The following NRXN3 variants were observed in gnomAD, a reference collection of about 807,000 sequenced individuals.
NRXN3 encodes the protein neurexin 3.
NRXN3 carries 32 observed loss-of-function variants against 137.6 expected under a neutral mutation model. The observed-to-expected ratio is 0.23, with a 90% confidence interval of 0.18 to 0.31. The LOEUF is 0.31. Ranked by LOEUF, NRXN3 falls within the 10% of genes least tolerant of loss-of-function variation. The pLI, the probability that NRXN3 is intolerant of heterozygous loss-of-function variation, is 1.00. For missense variants in NRXN3, 1,574 were observed against 2,062.5 expected, an observed-to-expected ratio of 0.76 and a Z score of 4.59; for synonymous variants, 798 against 784.5, an observed-to-expected ratio of 1.02 and a Z score of -0.29.
Position 79,027,076 on chromosome 14 carries a change from T to C in NRXN3, c.3262+38935T>C, listed in dbSNP as rs991195103. On this transcript the variant is annotated intron_variant, in intron 15 of 20. Coordinates refer to ENST00000335750, the MANE Select transcript of NRXN3 (RefSeq NM_001330195.2). ...AGGACAACATTTTCCATATATTCTA[T>C]TGAAGTTTTTTTTTTTTTTAAAACT... is the stretch of plus-strand genomic sequence containing the variant. Among the ~76,000 whole-genome samples, 4 of 149,008 alleles carry C rather than the reference T, an allele frequency of 2.7e-5. No individual in the cohort carries two copies. The East Asian group carries it at 7.8e-4, about 29-fold the overall frequency.
intron 10 of NRXN3, among the ~76,000 whole-genome samples, chr14:78,950,093 A>G (rs1048837418): frequency 2.6e-5 from 4 of 152,226 alleles, no homozygotes; most frequent in African/African-American, 9.6e-5. Context: ...ATTTGTATTA[A>G]TCATACCATT....
chr14:79,808,278 ATG>A (rs1297851234), intron 20 of NRXN3, among the ~76,000 whole-genome samples: 4,954 of 143,780 alleles, frequency 0.034, 104 homozygotes, highest in East Asian at 0.05. Context: ...ATATATATGT[ATG>A]TATGTATGTA....
rs563532578 is a variant in NRXN3 at position 78,492,134 on chromosome 14, G to A, written c.758-152986G>A. ...TATGATTAAACAAAATAATAGATAT[G>A]ACATACATTATGGGTCTATCACATG... On this transcript the variant is annotated intron_variant, in intron 4 of 20. Transcript: ENST00000335750. Among the ~76,000 whole-genome samples, 6 of 152,196 alleles carry A rather than the reference G, an allele frequency of 3.9e-5. No homozygotes were observed. The East Asian group carries it at 1.2e-3, about 29-fold the overall frequency.
chr14:79,310,239 T>C, intron 15 of NRXN3, among the ~76,000 whole-genome samples: 2 of 110,898 alleles, frequency 1.8e-5, no homozygotes. Flanking sequence ...GATCAGATAG[T>C]TGTAGATATG....
At chr14:78,612,676 T>G (rs1053333447) in intron 4 of NRXN3, among the ~76,000 whole-genome samples, 1 of 152,192 alleles carries the variant, frequency 6.6e-6, no homozygotes, top group East Asian at 1.9e-4. Flanking sequence ...AGGGCTTAGA[T>G]TTTTGAACTA....
intron 5 of NRXN3, among the ~76,000 whole-genome samples, chr14:78,650,176 A>G (rs1330261168): frequency 6.6e-6 from 1 of 151,668 alleles, no homozygotes; most frequent in African/African-American, 2.4e-5. Context: ...TTTCACTTCC[A>G]TCTTGTTCTT....
intron 10 of NRXN3, among the ~76,000 whole-genome samples, chr14:78,910,317 T>C (rs2099233408): frequency 6.6e-6 from 1 of 152,034 alleles, no homozygotes; most frequent in Non-Finnish European, 1.5e-5. Context: ...ATATAATTTT[T>C]CTCATTTGTG....
chr14:79,467,114 G>C (rs886894617), intron 15 of NRXN3, 107 bp from the exon 16 acceptor site: 1 of 1,095,376 alleles, frequency 9.1e-7, no homozygotes, highest in Admixed American at 2.8e-5. Context: ...GTCCCATGGG[G>C]GACATTTCCT....
intron 6 of NRXN3, among the ~76,000 whole-genome samples, chr14:78,684,571 G>A (rs766222313): frequency 7.9e-5 from 12 of 152,192 alleles, no homozygotes; most frequent in Non-Finnish European, 5.9e-5. Flanking sequence ...TTGGGAGGCT[G>A]AGGCAGGAGG....
intron 17 of NRXN3, among the ~76,000 whole-genome samples, chr14:79,665,987 A>G (rs1249418843): frequency 1.3e-5 from 2 of 152,112 alleles, no homozygotes; most frequent in Non-Finnish European, 2.9e-5. Flanking sequence ...CCTTGGAGTC[A>G]ACTGGCTAGA....
chr14:78,892,949 C>G (rs1009379658), intron 10 of NRXN3, among the ~76,000 whole-genome samples: 4 of 151,898 alleles, frequency 2.6e-5, no homozygotes, highest in Non-Finnish European at 4.4e-5. Flanking sequence ...TGACTGTGCT[C>G]TGAAGTGGTG....
chr14:79,245,724 A>G (rs1390666721), intron 15 of NRXN3, among the ~76,000 whole-genome samples: 5 of 152,182 alleles, frequency 3.3e-5, no homozygotes, highest in Non-Finnish European at 7.4e-5. Context: ...CCTGGCACAC[A>G]TTGCATTATA....
chr14:79,116,329 A>T (rs1201564610), intron 15 of NRXN3, among the ~76,000 whole-genome samples: 1 of 152,202 alleles, frequency 6.6e-6, no homozygotes, highest in Admixed American at 6.5e-5. Context: ...GGAGTTCATT[A>T]CAGAGGCATC....
chr14:78,861,567 A>G (rs919791291), intron 10 of NRXN3, among the ~76,000 whole-genome samples: 1 of 152,270 alleles, frequency 6.6e-6, no homozygotes, highest in Admixed American at 6.5e-5. Context: ...CTATCAGTGT[A>G]TTTCTAAGAA....
chr14:79,024,091 G>A (rs887585764), intron 15 of NRXN3, among the ~76,000 whole-genome samples: 5 of 152,090 alleles, frequency 3.3e-5, no homozygotes, highest in African/African-American at 1.2e-4. Flanking sequence ...TGAATCACTA[G>A]AACGGTGTCT....
At chr14:79,853,597 C>G (rs760280505) in intron 20 of NRXN3, 2 of 1,351,686 alleles carry the variant, frequency 1.5e-6, no homozygotes, top group Non-Finnish European at 2.0e-6. Flanking sequence ...CATGGCGACT[C>G]ACTTACACAT....
At chr14:79,725,002 T>A (rs772070500) in intron 19 of NRXN3, among the ~76,000 whole-genome samples, 1 of 152,082 alleles carries the variant, frequency 6.6e-6, no homozygotes, top group African/African-American at 2.4e-5. Flanking sequence ...AAAGGTAGGA[T>A]TGATTGTAAT....
chr14:78,319,966 C>G (rs1451442920), intron 4 of NRXN3, among the ~76,000 whole-genome samples: 4 of 152,166 alleles, frequency 2.6e-5, no homozygotes, highest in Non-Finnish European at 5.9e-5. Context: ...AAGAAAAAAG[C>G]TTGGGACTGC....
At chr14:79,535,170 C>A (rs2097200490) in intron 16 of NRXN3, among the ~76,000 whole-genome samples, 1 of 152,048 alleles carries the variant, frequency 6.6e-6, no homozygotes, top group Non-Finnish European at 1.5e-5. Context: ...TAATAATAAA[C>A]CCTAGAGATT....
Sources: gnomAD v4.1 joint callset for allele counts (sites outside exome capture counted in the v4.1 genomes callset) on GRCh38, gnomAD v4.1.1 for gene constraint, MANE v1.5 for transcripts, NCBI Gene and HGNC (gene_info 2026-07-23, HGNC 2026-07-21) for gene names.